The following GABRA5 variants were observed in gnomAD, a reference collection of about 807,000 sequenced individuals.
The protein encoded by GABRA5 is gamma-aminobutyric acid type A receptor subunit alpha5.
A neutral mutation model predicts 47.3 loss-of-function variants in GABRA5; 18 were observed. The ratio of observed to expected loss-of-function variants is 0.38; its 90% CI spans 0.26 to 0.56. The LOEUF (loss-of-function observed/expected upper bound fraction) is 0.56. GABRA5 is among the 20% of genes least tolerant of loss of function. GABRA5 has a pLI of 0.71. For synonymous variants in GABRA5, 237 were observed against 229.3 expected (o/e 1.03, Z -0.30); for missense variants, 365 against 599.3 (o/e 0.61, Z 4.08).
At chr15:26,870,620 T>C (rs1180942700) in intron 3 of GABRA5, among the ~76,000 whole-genome samples, 1 of 152,194 alleles carries the variant, frequency 6.6e-6, no homozygotes, top group Non-Finnish European at 1.5e-5. Flanking sequence ...CTTGCTTATC[T>C]TGAGTGGATG....
At chr15:26,944,982 G>A (rs754706715) in intron 10 of GABRA5, among the ~76,000 whole-genome samples, 14 of 152,174 alleles carry the variant, frequency 9.2e-5, no homozygotes, top group Non-Finnish European at 2.1e-4. Flanking sequence ...CACCATGTCC[G>A]CCCTGCCTCC....
At chr15:26,888,162 C>T (rs1021294964) in intron 6 of GABRA5, among the ~76,000 whole-genome samples, 1 of 152,310 alleles carries the variant, frequency 6.6e-6, no homozygotes. Context: ...TGGAACTTAT[C>T]CATGATGTTG....
chr15:26,883,415 CCT>C lies in GABRA5; in HGVS notation c.359_360del (p.Leu120GlnfsTer58). 2 of 1,614,098 alleles carry C rather than the reference CCT, an allele frequency of 1.2e-6. No homozygotes were observed. Among genetic ancestry groups the C allele is most frequent in the Non-Finnish European group, 1.7e-6 (2 of 1,179,954 alleles). ...LRFKGPMQRL[P>X]LNNLLASKIW... ...GTTTAAGGGGCCCATGCAGCGCCTC[CCT>C]CTCAACAACCTCCTTGCCAGCAAGA... On this transcript the variant is annotated frameshift_variant, in exon 6 of 11. Coordinates refer to ENST00000335625, the MANE Select transcript of GABRA5 (RefSeq NM_000810.4). LOFTEE classifies it high-confidence loss of function. This position sits in a 1 kb window ranked among gnomAD's most constrained non-coding sequence, Gnocchi z 4.8.
intron 10 of GABRA5, among the ~76,000 whole-genome samples, chr15:26,946,683 T>A (rs1373040741): frequency 4.6e-5 from 7 of 151,998 alleles, no homozygotes. Flanking sequence ...TCCAGAAAGC[T>A]CACCATGCCT....
chr15:26,883,904 C>T lies in GABRA5; in HGVS notation c.497+347C>T, dbSNP rs897571289. On this transcript the variant is annotated intron_variant, in intron 6 of 10. Transcript: ENST00000335625. The surrounding 1 kb of genome is among the most constrained non-coding windows in gnomAD (Gnocchi z 4.8). ...CCGGGCGTGGTGGCTCATGCCTGTA[C>T]ACCTTTAATCCCAACACTCTGGGAG... Among the ~76,000 whole-genome samples, 5 of 152,020 alleles carry T rather than the reference C, an allele frequency of 3.3e-5. No homozygotes were observed. Among genetic ancestry groups the T allele is most frequent in the Admixed American group, 6.6e-5 (1 of 15,266 alleles).
intron 7 of GABRA5, among the ~76,000 whole-genome samples, chr15:26,935,016 T>C (rs890871386): frequency 2.3e-5 from 1 of 42,708 alleles, no homozygotes; most frequent in African/African-American, 7.5e-5. Context: ...TCATGACAAA[T>C]GGCACTGCAA....
Position 26,873,764 on chromosome 15 carries a change from T to C in GABRA5, c.86+4430T>C, listed in dbSNP as rs571739398. Among the ~76,000 whole-genome samples, 3 of 152,304 alleles carry C rather than the reference T, an allele frequency of 2.0e-5. No individual in the cohort carries two copies. In the East Asian group the frequency reaches 5.8e-4, roughly 29 times the overall value. On this transcript the variant is annotated intron_variant, in intron 3 of 10. Coordinates refer to ENST00000335625, the MANE Select transcript of GABRA5 (RefSeq NM_000810.4). ...GGGTTCATGAGGCCCGGGACAGTTA[T>C]GATAACAATTCTGAAAGCACTCAGA... is the stretch of plus-strand genomic sequence containing the variant.
chr15:26,934,766 G>A (rs1476147681), intron 7 of GABRA5, among the ~76,000 whole-genome samples: 1 of 152,124 alleles, frequency 6.6e-6, no homozygotes, highest in African/African-American at 2.4e-5. Flanking sequence ...TTCCTTTGTA[G>A]TTATTCAGAA....
chr15:26,912,900 C>T (rs1893631688), intron 6 of GABRA5, among the ~76,000 whole-genome samples: 1 of 152,130 alleles, frequency 6.6e-6, no homozygotes, highest in African/African-American at 2.4e-5. Context: ...ATTCCTCTCC[C>T]AGCCAGATGC....
chr15:26,909,709 C>A (rs371580583), intron 6 of GABRA5, among the ~76,000 whole-genome samples: 7 of 152,208 alleles, frequency 4.6e-5, no homozygotes, highest in African/African-American at 1.4e-4. Context: ...CTTAGAAGGA[C>A]CTTTGTGATT....
At chr15:26,907,054 G>A (rs749114725) in intron 6 of GABRA5, among the ~76,000 whole-genome samples, 10 of 152,174 alleles carry the variant, frequency 6.6e-5, no homozygotes, top group Non-Finnish European at 4.4e-5. Context: ...TTTTAGCCCA[G>A]TATAATTCTG....
At chr15:26,877,660 C>A in intron 3 of GABRA5, 1 of 455,358 alleles carries the variant, frequency 2.2e-6, no homozygotes, top group South Asian at 1.6e-5. Flanking sequence ...AAGATTTTTT[C>A]TTCTCCAGAA....
chr15:26,867,319 G>C lies in GABRA5; in HGVS notation c.-140+208G>C, dbSNP rs1892340050. ...CCTTCCGCGCCTGCCAGCCGGGCGA[G>C]AGCAGGCGGAGGAGAAGGAGGATGC... On this transcript the variant is annotated intron_variant, in intron 1 of 10. Transcript: ENST00000335625. This position sits in a 1 kb window ranked among gnomAD's most constrained non-coding sequence, Gnocchi z 5.9. 6.6e-6 allele frequency: 1 copy of C among 151,898 alleles called. No homozygotes were observed. Among genetic ancestry groups the C allele is most frequent in the African/African-American group, 2.4e-5 (1 of 41,396 alleles). 9.4% of individuals were successfully genotyped at this position (151,898 alleles called of 1,614,324 possible).
chr15:26,869,419 A>G (rs1892408218), intron 3 of GABRA5, 85 bp downstream of exon 3: 1 of 840,034 alleles, frequency 1.2e-6, no homozygotes, highest in Non-Finnish European at 2.1e-6. Context: ...ACATCCATTG[A>G]GCAAGTCCTC....
At chr15:26,902,901 T>C (rs970435854) in intron 6 of GABRA5, among the ~76,000 whole-genome samples, 3 of 152,138 alleles carry the variant, frequency 2.0e-5, no homozygotes, top group African/African-American at 7.2e-5. Flanking sequence ...AATATGAACA[T>C]GTGATTTTTC....
At chr15:26,932,281 A>T (rs954206748) in intron 7 of GABRA5, among the ~76,000 whole-genome samples, 2 of 152,228 alleles carry the variant, frequency 1.3e-5, no homozygotes, top group Non-Finnish European at 2.9e-5. Flanking sequence ...AAGGAAAAAA[A>T]CAACCCCATT....
chr15:26,891,943 G>T (rs142406113), intron 6 of GABRA5, among the ~76,000 whole-genome samples: 140 of 152,364 alleles, frequency 9.2e-4, no homozygotes, highest in African/African-American at 3.1e-3. Context: ...ACGCTCTCTG[G>T]CCTTGAGCGC....
At chr15:26,904,562 C>T (rs942486723) in intron 6 of GABRA5, among the ~76,000 whole-genome samples, 2 of 152,070 alleles carry the variant, frequency 1.3e-5, no homozygotes, top group Non-Finnish European at 2.9e-5. Context: ...AGCAGTATGG[C>T]CATTTTAGTG....
Position 26,903,527 on chromosome 15 carries a change from C to T in GABRA5, c.498-11276C>T, listed in dbSNP as rs1893373419. Among the ~76,000 whole-genome samples the T allele has an allele frequency of 4.6e-5, 7 of 152,214 alleles. No homozygotes were observed. In the South Asian group the frequency reaches 1.5e-3, roughly 32 times the overall value. On this transcript the variant is annotated intron_variant, in intron 6 of 10. Coordinates refer to ENST00000335625, the MANE Select transcript of GABRA5 (RefSeq NM_000810.4). ...CTGCCTCTAGGTCTTTGAGGAGTTG[C>T]CCCACTGCTTTCCACAATGGTTGAA...
Sources: allele counts gnomAD v4.1 joint callset (sites outside exome capture counted in the v4.1 genomes callset), GRCh38; gene constraint gnomAD v4.1.1; non-coding constraint Gnocchi (gnomAD v3.1); transcripts MANE v1.5; gene names NCBI Gene and HGNC (gene_info 2026-07-23, HGNC 2026-07-21).